Variants in ZNF713 observed in about 807,000 individuals in gnomAD.
The protein encoded by ZNF713 is zinc finger protein 713.
In ZNF713, 21 loss-of-function variants were observed where a neutral mutation model predicts 28.7. The observed-to-expected ratio is 0.73, with a 90% CI of 0.52 to 1.05. The LOEUF (loss-of-function observed/expected upper bound fraction) is 1.05. Ranked by LOEUF, ZNF713 falls within the 50% of genes least tolerant of loss-of-function variation. The pLI, the probability that ZNF713 is intolerant of heterozygous loss-of-function variation, is 0.00. For missense variants in ZNF713, 458 were observed against 532.4 expected (o/e 0.86, Z 1.37); for synonymous variants, 167 against 178.0 (o/e 0.94, Z 0.49).
intron 3 of ZNF713, among the ~76,000 whole-genome samples, chr7:55,912,296 GT>G (rs1785798751): frequency 6.6e-6 from 1 of 152,162 alleles, no homozygotes. Flanking sequence ...TTAAAATGCT[GT>G]TGCTCAGACC....
chr7:55,887,838 CG>C (rs1234866760), intron 1 of ZNF713, among the ~76,000 whole-genome samples, 158 bp downstream of exon 1: 770 of 4,008 alleles, frequency 0.19, 214 homozygotes, highest in South Asian at 0.5. Flanking sequence ...CGGCGGGCGG[CG>C]GGCGGCGGCG....
intron 1 of ZNF713, among the ~76,000 whole-genome samples, chr7:55,899,444 G>C (rs981787049): frequency 6.2e-5 from 7 of 112,084 alleles, no homozygotes; most frequent in African/African-American, 1.6e-4. Context: ...GGGGGGGGGG[G>C]GGTTGATCAC....
At chr7:55,913,066 G>C (rs1785814231) in intron 4 of ZNF713, among the ~76,000 whole-genome samples, 1 of 152,082 alleles carries the variant, frequency 6.6e-6, no homozygotes, top group Non-Finnish European at 1.5e-5. Context: ...GACTGATGCC[G>C]AGGCCCCTAG....
rs372904225 is a variant in ZNF713, at chr7:55,939,279, C to T, written c.605C>T (p.Ser202Phe). ...AACCTTATGCAGCAGAGAATTCCTT[C>T]CATTAAAATACCCCTGAATTCTGAC... ...NSNLMQQRIP[S>F]IKIPLNSDTQ... The change falls in exon 7 of 7, where the codon TCC becomes TTC. Residue 202 changes from serine to phenylalanine, a missense_variant. By Grantham distance (155) the Ser-to-Phe change is radical. Transcript: ENST00000429591. 157 of 1,613,928 alleles carry T rather than the reference C, an allele frequency of 9.7e-5. 2 individuals carry two copies. Among genetic ancestry groups the T allele is most frequent in the Admixed American group, 1.2e-4 (7 of 59,984 alleles).
In ZNF713 at chr7:55,915,803, TTTACTC is replaced by T. The variant is rs1287116748; in HGVS notation, c.87+3082_87+3087del. Reference sequence around the variant, plus strand: ...TGTGGCCATGAAAACAGGTCTGACTTTTACTCTGAGTGCAGTGGAAAGCCTTTGGGG... The same window carrying T: ...TGTGGCCATGAAAACAGGTCTGACTTTGAGTGCAGTGGAAAGCCTTTGGGG... On this transcript the variant is annotated intron_variant, in intron 4 of 6. Coordinates refer to ENST00000429591, the MANE Select transcript of ZNF713 (RefSeq NM_182633.3). Among the ~76,000 whole-genome samples the T allele has an allele frequency of 2.6e-5, 4 of 152,258 alleles. No homozygotes were observed. In the East Asian group the frequency reaches 7.7e-4, roughly 29 times the overall value.
rs1786458827 is a variant in ZNF713, at chr7:55,941,007, A to T, written c.*1001A>T. On this transcript the variant is annotated 3_prime_UTR_variant, in exon 7 of 7. Transcript: ENST00000429591. ...ACTTTTTTTTTGTATTTTTTAGTAG[A>T]GACACGGTTTCACCATATTGACTAG... is the stretch of plus-strand genomic sequence containing the variant. 1 of 149,090 alleles carries T rather than the reference A, an allele frequency of 6.7e-6. No homozygotes were observed. Among genetic ancestry groups the T allele is most frequent in the Non-Finnish European group, 1.5e-5 (1 of 67,206 alleles). 9.2% of individuals were successfully genotyped at this position (149,090 alleles called of 1,614,324 possible). A position where few individuals can be genotyped will look rare whatever the true frequency, so the allele number is the denominator to read the frequency against.
At chr7:55,925,428 C>T (rs1786079773) in intron 6 of ZNF713, among the ~76,000 whole-genome samples, 1 of 152,106 alleles carries the variant, frequency 6.6e-6, no homozygotes, top group Admixed American at 6.6e-5. Context: ...CGAGACCATC[C>T]TGGCCAACAT....
intron 1 of ZNF713, among the ~76,000 whole-genome samples, chr7:55,893,738 C>T (rs1447838307): frequency 1.3e-5 from 2 of 152,066 alleles, no homozygotes; most frequent in African/African-American, 4.8e-5. Flanking sequence ...CGCCACCACA[C>T]CAGGCTAATT....
intron 1 of ZNF713, among the ~76,000 whole-genome samples, chr7:55,894,461 A>G (rs1466178790): frequency 6.6e-6 from 1 of 152,368 alleles, no homozygotes. Flanking sequence ...TAAAATATAA[A>G]TACTTCTGTC....
At chr7:55,937,258 G>GC (rs1382844496) in intron 6 of ZNF713, among the ~76,000 whole-genome samples, 1 of 151,962 alleles carries the variant, frequency 6.6e-6, no homozygotes, top group East Asian at 1.9e-4. Flanking sequence ...CCAAGAGCAC[G>GC]CCACTGCACT....
At chr7:55,894,277 C>T (rs1305294560) in intron 1 of ZNF713, among the ~76,000 whole-genome samples, 2 of 152,154 alleles carry the variant, frequency 1.3e-5, no homozygotes, top group Non-Finnish European at 2.9e-5. Flanking sequence ...GGTACCTTTC[C>T]TTGAAATGTT....
Position 55,919,490 on chromosome 7 carries a change from G to GTTTTTTTTTTTTTTTTTTTTT in ZNF713, c.88-3659_88-3639dup, listed in dbSNP as rs55656709. ...GCTGGATAAATTGGTAAACACTCCA[G>GTTTTTTTTTTTTTTTTTTTTT]TTTTTTTTTTTTTTTTTTTTTTTTT... On this transcript the variant is annotated intron_variant, in intron 4 of 6. Transcript: ENST00000429591. 1.0e-3 allele frequency among the ~76,000 whole-genome samples: 70 copies of GTTTTTTTTTTTTTTTTTTTTT among 66,736 alleles called. 1 individual carries two copies. The highest frequency in any genetic ancestry group is 1.5e-3 in the Non-Finnish European group (49 of 32,202). 43.8% of individuals were successfully genotyped at this position (66,736 alleles called of 152,430 possible).
Position 55,912,932 on chromosome 7 carries a change from AT to A in ZNF713, c.87+212del, listed in dbSNP as rs566543625. 7.0e-4 allele frequency among the ~76,000 whole-genome samples: 107 copies of A among 152,248 alleles called. 1 individual carries two copies. Among genetic ancestry groups the A allele is most frequent in the African/African-American group, 2.4e-3 (100 of 41,538 alleles). On this transcript the variant is annotated intron_variant, in intron 4 of 6. Coordinates refer to ENST00000429591, the MANE Select transcript of ZNF713 (RefSeq NM_182633.3). Reference sequence around the variant, plus strand: ...CCTTCCAGCATTTTCACCAGACTCAATTTCATGGATTCCTGCCTGTTCTGGA... The same window carrying A: ...CCTTCCAGCATTTTCACCAGACTCAATTCATGGATTCCTGCCTGTTCTGGA...
intron 4 of ZNF713, 49 bp from the exon 5 acceptor site, chr7:55,923,113 C>T (rs1786024113): frequency 1.3e-6 from 2 of 1,561,976 alleles, no homozygotes; most frequent in East Asian, 2.3e-5. Context: ...CCTTGAGGGT[C>T]CCTGTAAGAA....
rs1786479755 is a variant in ZNF713 at position 55,942,049 on chromosome 7, A to G, written c.*2043A>G. 6.6e-6 allele frequency: 1 copy of G among 152,004 alleles called. No homozygotes were observed. The allele number at this position is 152,004 out of a possible 1,614,324, so 9.4% of individuals were successfully genotyped here. ...ATTTCTGCTGTATTTGTAGAACAGA[A>G]GTTTTGGGATTTTGTAAAATAATGA... On this transcript the variant is annotated 3_prime_UTR_variant, in exon 7 of 7. Coordinates refer to ENST00000429591, the MANE Select transcript of ZNF713 (RefSeq NM_182633.3).
chr7:55,900,982 G>T (rs937999787), intron 1 of ZNF713, among the ~76,000 whole-genome samples: 1 of 152,058 alleles, frequency 6.6e-6, no homozygotes, highest in Admixed American at 6.6e-5. Context: ...ATAATGCATT[G>T]TATATTTCAA....
Position 55,940,734 on chromosome 7 carries a change from CTG to C in ZNF713, c.*730_*731del. On this transcript the variant is annotated 3_prime_UTR_variant, in exon 7 of 7. Coordinates refer to ENST00000429591, the MANE Select transcript of ZNF713 (RefSeq NM_182633.3). Reference sequence around the variant, plus strand: ...CCAGCCTGGGCAACAGAGCAAGACTCTGTCTCAAAAAAAAAAAAGAAAGAAAG... The same window carrying C: ...CCAGCCTGGGCAACAGAGCAAGACTCTCTCAAAAAAAAAAAAGAAAGAAAG... 5.9e-6 allele frequency: 1 copy of C among 170,762 alleles called. No individual in the cohort carries two copies. Among genetic ancestry groups the C allele is most frequent in the African/African-American group, 2.6e-5 (1 of 38,746 alleles). 10.6% of individuals were successfully genotyped at this position (170,762 alleles called of 1,614,324 possible).
At chr7:55,933,135 G>A (rs1347861775) in intron 6 of ZNF713, among the ~76,000 whole-genome samples, 1 of 151,478 alleles carries the variant, frequency 6.6e-6, no homozygotes, top group East Asian at 2.0e-4. Context: ...TACTTGGGAG[G>A]CTGAGGCAGG....
chr7:55,933,086 A>C (rs548317795), intron 6 of ZNF713, among the ~76,000 whole-genome samples: 4 of 149,010 alleles, frequency 2.7e-5, no homozygotes, highest in African/African-American at 9.9e-5. Flanking sequence ...AAATACAAAA[A>C]ATTAGCTGGG....
Sources: allele counts gnomAD v4.1 joint callset (sites outside exome capture counted in the v4.1 genomes callset), GRCh38; gene constraint gnomAD v4.1.1; transcripts MANE v1.5; gene names NCBI Gene and HGNC (gene_info 2026-07-23, HGNC 2026-07-21).